Variants in CCR6 observed in about 807,000 individuals in gnomAD.
CCR6 encodes C-C chemokine receptor type 6.
In CCR6, 2 loss-of-function variants were observed where a neutral mutation model predicts 3.0. That is an observed-to-expected ratio of 0.66 (90% CI 0.27 to 2.07). The LOEUF (loss-of-function observed/expected upper bound fraction) is 2.07, where lower values mean the gene tolerates loss of function less well. Among genes scored for constraint, CCR6 ranks in the 30% most tolerant of loss-of-function variants. CCR6 has a pLI of 0.14. For synonymous variants in CCR6, 193 were observed against 184.3 expected (o/e 1.05, Z -0.38); for missense variants, 322 against 462.8 (o/e 0.70, Z 2.79).
chr6:167,127,094 T>A (rs1781678736), intron 1 of CCR6: 1 of 152,230 alleles, frequency 6.6e-6, no homozygotes, highest in Non-Finnish European at 1.5e-5. Flanking sequence ...CATCTATAAT[T>A]ATATAGATTA....
Position 167,128,354 on chromosome 6 carries a change from CTCTA to C in CCR6, c.-98+5137_-98+5140del, listed in dbSNP as rs751604986. Among the ~76,000 whole-genome samples the C allele has an allele frequency of 3.3e-5, 5 of 152,356 alleles. No individual in the cohort carries two copies. In the East Asian group the frequency reaches 7.7e-4, roughly 24 times the overall value. ...GTCCCCTGTGTCCGGTGCCTCCGCG[CTCTA>C]TCTATTATTGGGTTGGAAAGCCTTA... On this transcript the variant is annotated intron_variant, in intron 1 of 2. Coordinates refer to ENST00000341935, the MANE Select transcript of CCR6 (RefSeq NM_031409.4).
At chr6:167,121,649 A>T (rs1480535909), upstream of CCR6, 2 of 152,454 alleles carry the variant, frequency 1.3e-5, no homozygotes, top group East Asian at 3.9e-4. Flanking sequence ...AATAATCAGC[A>T]GGTTTCGGGT....
At chr6:167,115,576 T>C (rs1459717953) in intron 1 of CCR6, 2 of 152,206 alleles carry the variant, frequency 1.3e-5, no homozygotes, top group Admixed American at 1.3e-4. Flanking sequence ...TGTCCACTGT[T>C]CTGGAAACTA....
upstream of CCR6, among the ~76,000 whole-genome samples, chr6:167,122,083 T>C (rs1287122030): frequency 1.3e-5 from 2 of 152,104 alleles, no homozygotes; most frequent in Non-Finnish European, 2.9e-5. The surrounding 1 kb of genome is among the most constrained non-coding windows in gnomAD (Gnocchi z 4.2). Context: ...CTCAGGGCTC[T>C]GCAGGAAGGA....
At chr6:167,125,616 G>A (rs1452096066) in intron 1 of CCR6, among the ~76,000 whole-genome samples, 5 of 152,210 alleles carry the variant, frequency 3.3e-5, no homozygotes, top group African/African-American at 1.2e-4. Context: ...AAGGCCGGGG[G>A]GAGATGAGTG....
chr6:167,125,491 TGA>T (rs1781657156), intron 1 of CCR6, among the ~76,000 whole-genome samples: 1 of 152,086 alleles, frequency 6.6e-6, no homozygotes, highest in African/African-American at 2.4e-5. Flanking sequence ...TTGGTCTCCC[TGA>T]GAGTGTGTGC....
intron 1 of CCR6, among the ~76,000 whole-genome samples, chr6:167,113,512 T>G (rs1418985806): frequency 5.9e-5 from 9 of 152,168 alleles, no homozygotes; most frequent in Non-Finnish European, 2.9e-5. Context: ...TTCCAAGTAT[T>G]GGAAGGATCT....
At position 167,133,632 on chromosome 6, in the gene CCR6, C is replaced by CA. The variant is rs1176663177; in HGVS notation, c.-97-2396dup. ...TTTTGGAATTGACTTGTCAATTTCTCAAAAAAAAAACCCTACCATAATTTT... is the reference window on the plus strand; with the variant it reads ...TTTTGGAATTGACTTGTCAATTTCTCAAAAAAAAAAACCCTACCATAATTTT... On this transcript the variant is annotated intron_variant, in intron 1 of 2. Transcript: ENST00000341935. Among the ~76,000 whole-genome samples the CA allele has an allele frequency of 2.9e-3, 405 of 140,902 alleles. 2 individuals carry two copies. Among genetic ancestry groups the CA allele is most frequent in the African/African-American group, 3.3e-3 (126 of 38,254 alleles). The allele number at this position is 140,902 out of a possible 152,430, so 92.4% of individuals were successfully genotyped here.
chr6:167,131,846 A>G (rs1467940748), intron 1 of CCR6, among the ~76,000 whole-genome samples: 2 of 152,182 alleles, frequency 1.3e-5, no homozygotes, highest in African/African-American at 4.8e-5. Context: ...ATTGAGGCTA[A>G]TTTATATGCA....
At position 167,136,977 on chromosome 6, in the gene CCR6, G is replaced by A. The variant is rs759786048; in HGVS notation, c.747G>A (p.Arg249=). Residue 249 remains arginine (R), a synonymous_variant, in exon 3 of 3, where the codon AGG becomes AGA. Transcript: ENST00000341935. The surrounding 1 kb of genome is among the most constrained non-coding windows in gnomAD (Gnocchi z 4.6). ...TGGTGCAAGCTCAGAATTCTAAAAG[G>A]CACAAAGCCATCCGTGTAATCATAG... ...KTLVQAQNSK[R]HKAIRVIIAV... 1.2e-6 allele frequency: 2 copies of A among 1,614,158 alleles called. No homozygotes were observed. Among genetic ancestry groups the A allele is most frequent in the East Asian group, 4.5e-5 (2 of 44,878 alleles).
chr6:167,116,004 C>T (rs1781486755), intron 1 of CCR6: 1 of 152,206 alleles, frequency 6.6e-6, no homozygotes, highest in Non-Finnish European at 1.5e-5. Flanking sequence ...CCCCATTTTC[C>T]TCCTAGTTCA....
At chr6:167,130,970 G>T (rs1004502930) in intron 1 of CCR6, among the ~76,000 whole-genome samples, 2 of 92,474 alleles carry the variant, frequency 2.2e-5, no homozygotes, top group African/African-American at 3.8e-5. Flanking sequence ...TCCTCCCTCT[G>T]GGACCACCCT....
intron 1 of CCR6, among the ~76,000 whole-genome samples, chr6:167,133,346 A>T (rs1034695970): frequency 6.6e-6 from 1 of 152,216 alleles, no homozygotes; most frequent in South Asian, 2.1e-4. Context: ...TTCCAGGACC[A>T]TTTACTGAAG....
rs201679638 is a variant in CCR6, at chr6:167,136,812, C to G, written c.582C>G (p.Ser194Arg). Residue 194 changes from serine to arginine, a missense_variant, in exon 3 of 3, where the codon AGC becomes AGG. Physicochemically the swap from Ser to Arg is moderately radical, Grantham distance 110. Coordinates refer to ENST00000341935, the MANE Select transcript of CCR6 (RefSeq NM_031409.4). This position sits in a 1 kb window ranked among gnomAD's most constrained non-coding sequence, Gnocchi z 4.6. ...ACCAAAAATACAACACCCAAGGCAG[C>G]GATGTCTGTGAACCCAAGTACCAGA... ...VFNQKYNTQG[S>R]DVCEPKYQTV... 1 of 1,614,088 alleles carries G rather than the reference C, an allele frequency of 6.2e-7. No individual in the cohort carries two copies. The highest frequency in any genetic ancestry group is 1.7e-5 in the Admixed American group (1 of 60,030).
rs761667128 is a variant in CCR6, at chr6:167,136,130, C to G, written c.-5C>G. On this transcript the variant is annotated 5_prime_UTR_variant, in exon 2 of 3. Coordinates refer to ENST00000341935, the MANE Select transcript of CCR6 (RefSeq NM_031409.4). The surrounding 1 kb of genome is among the most constrained non-coding windows in gnomAD (Gnocchi z 4.6). ...TACAACCAGCTTGCATTTTTTCTGC[C>G]CACAATGAGCGGGGTAAGATTTTTA... The G allele has an allele frequency of 6.2e-6, 10 of 1,613,220 alleles. No homozygotes were observed. In the Admixed American group the frequency reaches 1.7e-4, roughly 27 times the overall value.
upstream of CCR6, among the ~76,000 whole-genome samples, chr6:167,122,038 GC>G (rs1159652490): frequency 6.6e-6 from 1 of 152,132 alleles, no homozygotes; most frequent in Non-Finnish European, 1.5e-5. This position sits in a 1 kb window ranked among gnomAD's most constrained non-coding sequence, Gnocchi z 4.2. Flanking sequence ...GTGCGCTCCA[GC>G]TTCTCAGGCT....
At chr6:167,115,203 C>T (rs557035832) in intron 1 of CCR6, 3 of 152,364 alleles carry the variant, frequency 2.0e-5, no homozygotes, top group East Asian at 1.9e-4. Flanking sequence ...TGGTCCACCC[C>T]GCAGTTGGCT....
chr6:167,130,989 A>ACCCCCTCCCTCTGGG (rs1389889762), intron 1 of CCR6, among the ~76,000 whole-genome samples: 2 of 121,318 alleles, frequency 1.6e-5, no homozygotes, highest in East Asian at 4.9e-4. Flanking sequence ...CTCCCTCTGG[A>ACCCCCTCCCTCTGGG]CCCCCTCCCT....
chr6:167,113,290 G>T (rs1264315558), intron 1 of CCR6, among the ~76,000 whole-genome samples: 4 of 151,970 alleles, frequency 2.6e-5, no homozygotes, highest in Admixed American at 2.6e-4. Context: ...GTTCTGATAA[G>T]GGGGGGCTGT....
Sources: gnomAD v4.1 joint callset for allele counts (sites outside exome capture counted in the v4.1 genomes callset) on GRCh38, gnomAD v4.1.1 for gene constraint, Gnocchi (gnomAD v3.1) non-coding constraint, MANE v1.5 for transcripts, NCBI Gene and HGNC (gene_info 2026-07-23, HGNC 2026-07-21) for gene names.